The following SGCD variants were observed in gnomAD, a reference collection of about 807,000 sequenced individuals.
The protein encoded by SGCD is delta-sarcoglycan.
A neutral mutation model predicts 36.6 loss-of-function variants in SGCD; 18 were observed. The observed-to-expected ratio is 0.49, with a 90% confidence interval of 0.34 to 0.73. The LOEUF is 0.73. SGCD is among the 30% of genes least tolerant of loss of function. The pLI is 0.01. For missense variants in SGCD, 387 were observed against 346.7 expected (o/e 1.12, Z -0.92); for synonymous variants, 133 against 130.6 (o/e 1.02, Z -0.12).
intron 6 of SGCD, among the ~76,000 whole-genome samples, chr5:156,619,382 C>T (rs1268614669): frequency 6.6e-6 from 1 of 152,130 alleles, no homozygotes; most frequent in Non-Finnish European, 1.5e-5. Flanking sequence ...TTTCTGTTTG[C>T]GGAACTAACA....
chr5:156,744,109 C>A (rs765900634), intron 7 of SGCD, among the ~76,000 whole-genome samples: 5 of 152,158 alleles, frequency 3.3e-5, no homozygotes, highest in Non-Finnish European at 7.4e-5. Flanking sequence ...TTGCTCGAGC[C>A]CAGGAGTTCA....
At chr5:155,863,292 T>A in the SGCD span, among the ~76,000 whole-genome samples, 3 of 152,170 alleles carry the variant, frequency 2.0e-5, no homozygotes, top group Admixed American at 6.5e-5. Flanking sequence ...TTTATTCTTT[T>A]TTCAAGAATG....
At chr5:156,751,884 G>A (rs936492070) in intron 7 of SGCD, among the ~76,000 whole-genome samples, 7 of 152,198 alleles carry the variant, frequency 4.6e-5, no homozygotes, top group African/African-American at 1.7e-4. Context: ...TAATAAAGCT[G>A]TAGATATGCA....
chr5:156,607,621 G>A (rs1314343102), intron 6 of SGCD, among the ~76,000 whole-genome samples: 2 of 152,192 alleles, frequency 1.3e-5, no homozygotes, highest in Non-Finnish European at 2.9e-5. Flanking sequence ...AGAAGGAATG[G>A]TACCAGCTCC....
chr5:156,316,177 A>G (rs1442978385), intron 3 of SGCD, among the ~76,000 whole-genome samples: 2 of 152,002 alleles, frequency 1.3e-5, no homozygotes, highest in Non-Finnish European at 2.9e-5. Flanking sequence ...TCTACACTAT[A>G]GCAAACTTCC....
intron 1 of SGCD, among the ~76,000 whole-genome samples, chr5:156,043,214 T>C (rs1416982400): frequency 1.3e-5 from 2 of 152,144 alleles, no homozygotes; most frequent in Non-Finnish European, 2.9e-5. Context: ...ACATGAAGCT[T>C]CCCATGTTGC....
chr5:156,668,968 C>T (rs111309403), intron 7 of SGCD, among the ~76,000 whole-genome samples: 4,235 of 152,016 alleles, frequency 0.028, 177 homozygotes, highest in African/African-American at 0.095. Flanking sequence ...GTGGCTGGAG[C>T]GGAAAAAAGG....
chr5:156,757,499 T>C, intron 7 of SGCD, 82 bp from the exon 8 acceptor site: 2 of 880,998 alleles, frequency 2.3e-6, no homozygotes, highest in Non-Finnish European at 3.5e-6. Context: ...AATGCTTTGT[T>C]AATGTCCTTG....
rs577967651 is a variant in SGCD, at chr5:155,943,225, A to T, written c.-282+72801A>T. On this transcript the variant is annotated intron_variant, in intron 1 of 9. Coordinates refer to the SGCD transcript ENST00000517913. ...TTAAATAAATTACTATGAGAACTAC[A>T]CATGCTATTGCATATAAAATGCTTG... Among the ~76,000 whole-genome samples, 7 of 152,344 alleles carry T rather than the reference A, an allele frequency of 4.6e-5. No homozygotes were observed. The South Asian group carries it at 1.4e-3, about 32-fold the overall frequency.
chr5:156,340,166 A>G (rs1561630354), intron 2 of SGCD, among the ~76,000 whole-genome samples: 3 of 152,234 alleles, frequency 2.0e-5, no homozygotes, highest in African/African-American at 7.2e-5. Context: ...TTATGATTAT[A>G]TATGCCAAAT....
At chr5:156,732,428 C>A (rs986171333) in intron 7 of SGCD, among the ~76,000 whole-genome samples, 2 of 152,268 alleles carry the variant, frequency 1.3e-5, no homozygotes, top group Admixed American at 1.3e-4. Flanking sequence ...TTGAACCAGC[C>A]TTGCATCCTG....
At chr5:155,908,042 G>A (rs1434648176) in intron 1 of SGCD, among the ~76,000 whole-genome samples, 1 of 152,122 alleles carries the variant, frequency 6.6e-6, no homozygotes, top group Non-Finnish European at 1.5e-5. Flanking sequence ...TCGACATTGA[G>A]GCAAGACCCT....
chr5:156,258,031 A>G (rs1189150224), intron 3 of SGCD, among the ~76,000 whole-genome samples: 3 of 152,234 alleles, frequency 2.0e-5, no homozygotes, highest in Non-Finnish European at 2.9e-5. Context: ...TTCATGGAGT[A>G]CAACTTTTTA....
chr5:156,208,956 G>A (rs1764363431), intron 3 of SGCD, among the ~76,000 whole-genome samples: 1 of 152,138 alleles, frequency 6.6e-6, no homozygotes, highest in Non-Finnish European at 1.5e-5. Flanking sequence ...AGTCTTACAG[G>A]ATCTCCATCA....
intron 3 of SGCD, among the ~76,000 whole-genome samples, chr5:156,466,213 C>T (rs949471400): frequency 5.3e-5 from 8 of 152,194 alleles, no homozygotes; most frequent in African/African-American, 1.9e-4. Context: ...GTTTCCTTAA[C>T]TGGCGAACTA....
At chr5:156,445,096 G>T (rs1007810383) in intron 3 of SGCD, among the ~76,000 whole-genome samples, 1 of 152,188 alleles carries the variant, frequency 6.6e-6, no homozygotes, top group Non-Finnish European at 1.5e-5. Context: ...GCTAGCTGAT[G>T]AATTTCCTTT....
At chr5:156,363,672 T>C (rs765907935) in intron 3 of SGCD, among the ~76,000 whole-genome samples, 39 of 152,236 alleles carry the variant, frequency 2.6e-4, no homozygotes, top group Non-Finnish European at 4.7e-4. Flanking sequence ...GCAGAGGTAT[T>C]TACAAAGCCA....
chr5:156,100,548 T>C (rs986870465), intron 1 of SGCD, among the ~76,000 whole-genome samples: 15 of 152,178 alleles, frequency 9.9e-5, no homozygotes, highest in African/African-American at 2.4e-5. Flanking sequence ...TTATAAGAAA[T>C]CCAGAAATGA....
intron 3 of SGCD, among the ~76,000 whole-genome samples, chr5:156,167,694 T>C (rs935265628): frequency 1.3e-5 from 2 of 152,172 alleles, no homozygotes; most frequent in Admixed American, 1.3e-4. Flanking sequence ...GCTCCCTCTT[T>C]GCCTTCTGCC....
Sources: allele counts gnomAD v4.1 joint callset (sites outside exome capture counted in the v4.1 genomes callset), GRCh38; gene constraint gnomAD v4.1.1; transcripts MANE v1.5; gene names NCBI Gene and HGNC (gene_info 2026-07-23, HGNC 2026-07-21).